The following ITCH variants were observed in gnomAD, a reference collection of about 807,000 sequenced individuals.
ITCH encodes itchy E3 ubiquitin protein ligase.
In ITCH, 28 loss-of-function variants were observed where a neutral mutation model predicts 126.8. That is an observed-to-expected ratio of 0.22 (90% CI 0.16 to 0.30). The LOEUF (loss-of-function observed/expected upper bound fraction) is 0.30. Among genes scored for constraint, ITCH ranks in the 10% least tolerant of loss-of-function variants. ITCH has a pLI of 1.00. For missense variants in ITCH, 631 were observed against 1,032.4 expected (o/e 0.61, Z 5.33); for synonymous variants, 342 against 340.0 (o/e 1.01, Z -0.06).
chr20:34,414,764 G>A (rs1979591262), intron 6 of ITCH, among the ~76,000 whole-genome samples: 1 of 152,142 alleles, frequency 6.6e-6, no homozygotes, highest in Non-Finnish European at 1.5e-5. Flanking sequence ...ACAGGCGTGA[G>A]CCACTGCATC....
intron 2 of ITCH, among the ~76,000 whole-genome samples, chr20:34,382,933 G>C (rs562135651): frequency 6.6e-6 from 1 of 151,554 alleles, no homozygotes; most frequent in African/African-American, 2.4e-5. Context: ...TAGTAGAAAC[G>C]GAGTTTCACC....
At chr20:34,453,000 G>A (rs1218075805) in intron 12 of ITCH, among the ~76,000 whole-genome samples, 1 of 152,182 alleles carries the variant, frequency 6.6e-6, no homozygotes, top group Non-Finnish European at 1.5e-5. Context: ...AGAATACATA[G>A]AATGACAAGA....
chr20:34,378,964 AAC>A (rs1367279741), intron 2 of ITCH, among the ~76,000 whole-genome samples: 7 of 152,198 alleles, frequency 4.6e-5, no homozygotes, highest in African/African-American at 1.7e-4. Context: ...TGCTGAAGCA[AAC>A]ACACAGATTA....
Position 34,402,672 on chromosome 20 carries a change from C to A in ITCH, c.71-5979C>A, listed in dbSNP as rs1358800285. 9 of 543,742 alleles carry A rather than the reference C, an allele frequency of 1.7e-5. No homozygotes were observed. The Admixed American group carries it at 2.3e-4, about 14-fold the overall frequency. The allele number at this position is 543,742 out of a possible 1,614,324, so 33.7% of individuals were successfully genotyped here. The stretch of plus-strand genomic sequence containing the variant: ...GTTTTACCAACAGCACCATCACCCA[C>A]AACAACACACTTAATTGTCTGCATT... On this transcript the variant is annotated intron_variant, in intron 3 of 24. Transcript: ENST00000374864.
chr20:34,483,192 G>A (rs1988878985), intron 20 of ITCH, among the ~76,000 whole-genome samples: 1 of 152,186 alleles, frequency 6.6e-6, no homozygotes, highest in African/African-American at 2.4e-5. Context: ...CCTCTGACGT[G>A]CCCTGTAGAC....
chr20:34,458,830 T>A (rs1223016642), intron 13 of ITCH, among the ~76,000 whole-genome samples: 4 of 152,352 alleles, frequency 2.6e-5, no homozygotes, highest in African/African-American at 7.2e-5. Flanking sequence ...TATGACCTCA[T>A]CTTGATACAT....
chr20:34,488,162 A>T (rs548172803), intron 20 of ITCH, among the ~76,000 whole-genome samples: 12 of 141,030 alleles, frequency 8.5e-5, no homozygotes, highest in East Asian at 2.1e-4. Context: ...TTTTTTTTTT[A>T]AATCTAAGAT....
At chr20:34,392,684 A>C (rs1006797636) in intron 2 of ITCH, among the ~76,000 whole-genome samples, 2 of 152,162 alleles carry the variant, frequency 1.3e-5, no homozygotes, top group African/African-American at 4.8e-5. Flanking sequence ...TGCCAAGTAC[A>C]TTTAGTTTGA....
At chr20:34,414,007 G>A in intron 6 of ITCH, 128 bp downstream of exon 6, 2 of 777,542 alleles carry the variant, frequency 2.6e-6, no homozygotes, top group Non-Finnish European at 4.1e-6. Context: ...GGCCGGTGTG[G>A]TGGCTCACGC....
At chr20:34,477,415 A>G (rs996030855) in intron 16 of ITCH, among the ~76,000 whole-genome samples, 80 of 152,178 alleles carry the variant, frequency 5.3e-4, no homozygotes, top group African/African-American at 1.9e-3. Context: ...CTGTAGTTCC[A>G]GCTACTTGGG....
intron 23 of ITCH, among the ~76,000 whole-genome samples, chr20:34,500,117 A>G (rs1990156199): frequency 6.6e-6 from 1 of 152,184 alleles, no homozygotes; most frequent in Non-Finnish European, 1.5e-5. Flanking sequence ...CCCCAGGAGA[A>G]TGTTCCATGT....
At chr20:34,429,219 T>A (rs978291807) in intron 7 of ITCH, among the ~76,000 whole-genome samples, 3 of 152,102 alleles carry the variant, frequency 2.0e-5, no homozygotes, top group Non-Finnish European at 4.4e-5. Context: ...GGATTATAGG[T>A]GTGAGCCACC....
intron 13 of ITCH, among the ~76,000 whole-genome samples, chr20:34,461,587 C>T (rs551119008): frequency 4.0e-4 from 60 of 151,892 alleles, no homozygotes; most frequent in African/African-American, 1.3e-3. Context: ...TGGTGGCAGG[C>T]GCCTGTAGTC....
chr20:34,404,630 A>G (rs1011591655), intron 3 of ITCH, among the ~76,000 whole-genome samples: 3 of 151,892 alleles, frequency 2.0e-5, no homozygotes, highest in African/African-American at 4.8e-5. Context: ...ATGTTTGTCA[A>G]GCTGGCTCCT....
intron 10 of ITCH, among the ~76,000 whole-genome samples, chr20:34,442,525 C>T (rs1983882703): frequency 6.6e-6 from 1 of 152,102 alleles, no homozygotes; most frequent in Non-Finnish European, 1.5e-5. Flanking sequence ...TTCTTCTTTT[C>T]TTTATTTTAT....
chr20:34,377,719 G>C (rs1568861340), intron 2 of ITCH, among the ~76,000 whole-genome samples: 1 of 151,902 alleles, frequency 6.6e-6, no homozygotes, highest in Non-Finnish European at 1.5e-5. Flanking sequence ...CAAAAAATTA[G>C]TTGGGCATGG....
At chr20:34,493,667 G>GA (rs1360698345) in intron 23 of ITCH, among the ~76,000 whole-genome samples, 1 of 152,190 alleles carries the variant, frequency 6.6e-6, no homozygotes, top group Admixed American at 6.5e-5. Flanking sequence ...TAAAGAGTAT[G>GA]CATCGTTGTA....
intron 13 of ITCH, 33 bp from the exon 14 acceptor site, chr20:34,462,060 A>T (rs2146375000): frequency 6.2e-7 from 1 of 1,608,454 alleles, no homozygotes; most frequent in Non-Finnish European, 8.5e-7. Flanking sequence ...ACTCTTTAAT[A>T]TTTTTGTTTA....
At chr20:34,453,989 G>A (rs550250269) in intron 12 of ITCH, among the ~76,000 whole-genome samples, 20 of 151,508 alleles carry the variant, frequency 1.3e-4, no homozygotes, top group Admixed American at 7.2e-4. Context: ...ACAGAGCAAG[G>A]CTCCGTCTCA....
Sources: allele counts gnomAD v4.1 joint callset (sites outside exome capture counted in the v4.1 genomes callset), GRCh38; gene constraint gnomAD v4.1.1; transcripts MANE v1.5; gene names NCBI Gene and HGNC (gene_info 2026-07-23, HGNC 2026-07-21).